Variants in YTHDF3 observed in about 807,000 individuals in gnomAD.
YTHDF3 encodes YTH domain-containing family protein 3.
YTHDF3 carries 9 observed loss-of-function variants against 52.5 expected under a neutral mutation model. That is an observed-to-expected ratio of 0.17 (90% confidence interval 0.10 to 0.30). The LOEUF is 0.30. Ranked by LOEUF, YTHDF3 falls within the 10% of genes least tolerant of loss-of-function variation. The probability of loss-of-function intolerance (pLI) is 1.00; values close to 1 mark genes in which losing one functional copy is unlikely to be tolerated. For synonymous variants in YTHDF3, 274 were observed against 243.3 expected (o/e 1.13, Z -1.18); for missense variants, 534 against 715.0 (o/e 0.75, Z 2.89).
At chr8:63,176,701 A>T (rs1471468822) in intron 3 of YTHDF3, among the ~76,000 whole-genome samples, 1 of 148,084 alleles carries the variant, frequency 6.8e-6, no homozygotes, top group African/African-American at 2.5e-5. Context: ...AATTTTTGAG[A>T]CAGTCTTGTT....
chr8:63,169,070 G>A (rs949122742), intron 1 of YTHDF3, 169 bp downstream of exon 1: 31 of 1,392,478 alleles, frequency 2.2e-5, no homozygotes, highest in Admixed American at 7.4e-5. Context: ...CCCTGGCCCC[G>A]TAGCTTGCGG....
rs1809124643 is a variant in YTHDF3, at chr8:63,194,656, T to C, written c.1734+6911T>C. ...TTTCCCCCAGAAAACTATAGTGTTT[T>C]TTTCCTATAGGAAAGAATAAGGGTA... On this transcript the variant is annotated intron_variant, in intron 4 of 4. Transcript: ENST00000539294. Among the ~76,000 whole-genome samples, 3 of 152,222 alleles carry C rather than the reference T, an allele frequency of 2.0e-5. No individual in the cohort carries two copies. In the South Asian group the frequency reaches 6.2e-4, roughly 32 times the overall value.
At chr8:63,190,230 CA>C in intron 4 of YTHDF3, among the ~76,000 whole-genome samples, 1 of 151,684 alleles carries the variant, frequency 6.6e-6, no homozygotes, top group East Asian at 1.9e-4. Context: ...TTACTTAGGA[CA>C]AAGGATACAT....
chr8:63,195,126 T>C (rs2150385866), intron 4 of YTHDF3, among the ~76,000 whole-genome samples: 1 of 152,332 alleles, frequency 6.6e-6, no homozygotes. Context: ...AAACTTGGAA[T>C]GTCAGGCCCT....
chr8:63,203,178 G>A (rs1809755802), intron 4 of YTHDF3, among the ~76,000 whole-genome samples: 1 of 151,814 alleles, frequency 6.6e-6, no homozygotes, highest in Non-Finnish European at 1.5e-5. Flanking sequence ...GGGAGGCAGA[G>A]GTTGCAGTGA....
In YTHDF3 at chr8:63,201,593, T is replaced by A. The variant is rs148459866; in HGVS notation, c.1735-8090T>A. 5.7e-3 allele frequency among the ~76,000 whole-genome samples: 871 copies of A among 152,288 alleles called. 2 individuals are homozygous for A. Among genetic ancestry groups the A allele is most frequent in the Non-Finnish European group, 9.5e-3 (646 of 68,024 alleles). ...ACCAAACTTTACATTGCACTCCAATTTCTGAGTGAAATTGACTTCACTGTT... is the reference window on the plus strand; with the variant it reads ...ACCAAACTTTACATTGCACTCCAATATCTGAGTGAAATTGACTTCACTGTT... On this transcript the variant is annotated intron_variant, in intron 4 of 4. Coordinates refer to ENST00000539294, the MANE Select transcript of YTHDF3 (RefSeq NM_152758.6).
chr8:63,175,266 C>T, intron 2 of YTHDF3, 65 bp from the exon 3 acceptor site: 1 of 1,202,552 alleles, frequency 8.3e-7, no homozygotes, highest in Non-Finnish European at 1.2e-6. Context: ...ATATTAAAAA[C>T]ATTAGGTTGT....
intron 4 of YTHDF3, among the ~76,000 whole-genome samples, chr8:63,208,555 C>A (rs949182012): frequency 6.6e-6 from 1 of 152,190 alleles, no homozygotes; most frequent in East Asian, 1.9e-4. Context: ...CCACGTCAGA[C>A]CTCTGGGGCC....
intron 3 of YTHDF3, among the ~76,000 whole-genome samples, chr8:63,184,800 A>AT (rs1376288415): frequency 6.6e-6 from 1 of 152,126 alleles, no homozygotes; most frequent in Non-Finnish European, 1.5e-5. Flanking sequence ...ATATTAGTGG[A>AT]TTTTTTTCAC....
chr8:63,197,974 C>T (rs1481021485), intron 4 of YTHDF3, among the ~76,000 whole-genome samples: 1 of 152,014 alleles, frequency 6.6e-6, no homozygotes, highest in Non-Finnish European at 1.5e-5. Flanking sequence ...AAACATAATC[C>T]AAGACTATTT....
Position 63,210,246 on chromosome 8 carries a change from T to A in YTHDF3, c.*540T>A, listed in dbSNP as rs1302043063. Reference sequence around the variant, plus strand: ...AAACTTTTAATATGGCAAAGCAACCTTAAGCTCTATTTTAGCCAAATGAAA... The same window carrying A: ...AAACTTTTAATATGGCAAAGCAACCATAAGCTCTATTTTAGCCAAATGAAA... On this transcript the variant is annotated 3_prime_UTR_variant, in exon 5 of 5. Transcript: ENST00000539294. 2 of 152,942 alleles carry A rather than the reference T, an allele frequency of 1.3e-5. No homozygotes were observed. The highest frequency in any genetic ancestry group is 3.9e-4 in the East Asian group (2 of 5,186). The allele number at this position is 152,942 out of a possible 1,614,324, so 9.5% of individuals were successfully genotyped here. A position where few individuals can be genotyped will look rare whatever the true frequency, so the allele number is the denominator to read the frequency against.
intron 1 of YTHDF3, 126 bp from the exon 2 acceptor site, chr8:63,169,261 A>G (rs1807111410): frequency 7.5e-7 from 1 of 1,341,198 alleles, no homozygotes. Flanking sequence ...TGTGGAGGAT[A>G]TGGTGGGTTT....
At chr8:63,175,309 T>C (rs1273438581) in intron 2 of YTHDF3, 22 bp from the exon 3 acceptor site, 2 of 1,566,236 alleles carry the variant, frequency 1.3e-6, no homozygotes, top group Non-Finnish European at 1.7e-6. Context: ...CTACAACACT[T>C]CTAATACAAA....
rs139683252 is a variant in YTHDF3 at position 63,179,005 on chromosome 8, A to AAAT, written c.135+3591_135+3592insTAA. Among the ~76,000 whole-genome samples the AAAT allele has an allele frequency of 8.0e-3, 1,218 of 152,276 alleles. 23 individuals are homozygous for AAAT. The highest frequency in any genetic ancestry group is 0.028 in the African/African-American group (1,173 of 41,556). ...TATCTGATTTTAAAATTATAAATAA[A>AAAT]AAATATTTTGATGGAAAAGTGTTTA... On this transcript the variant is annotated intron_variant, in intron 3 of 4. Transcript: ENST00000539294.
rs535129804 is a variant in YTHDF3, at chr8:63,181,543, G to GTA, written c.136-4602_136-4601dup. ...TCTTTCACGATCTCAATTTTTGTAT[G>GTA]TATGTTTTATACAGACGTGTACACA... On this transcript the variant is annotated intron_variant, in intron 3 of 4. Transcript: ENST00000539294. 1.0e-3 allele frequency among the ~76,000 whole-genome samples: 157 copies of GTA among 152,236 alleles called. 2 individuals are homozygous for GTA. Among genetic ancestry groups the GTA allele is most frequent in the African/African-American group, 3.5e-3 (145 of 41,534 alleles).
chr8:63,173,565 CA>C (rs1044991256), intron 2 of YTHDF3: 247 of 711,658 alleles, frequency 3.5e-4, no homozygotes, highest in Non-Finnish European at 4.2e-4. Flanking sequence ...TTAGCTGTTT[CA>C]AATACTGACT....
At chr8:63,198,843 C>G (rs1439918386) in intron 4 of YTHDF3, among the ~76,000 whole-genome samples, 2 of 152,042 alleles carry the variant, frequency 1.3e-5, no homozygotes, top group Non-Finnish European at 2.9e-5. Context: ...TTATAATTAA[C>G]AGAAACAAAT....
intron 4 of YTHDF3, 28 bp from the exon 5 acceptor site, chr8:63,209,655 T>TG: frequency 1.3e-6 from 2 of 1,541,734 alleles, no homozygotes; most frequent in Non-Finnish European, 1.7e-6. Flanking sequence ...GTAATTCTTT[T>TG]TGTGTGTGTG....
intron 4 of YTHDF3, among the ~76,000 whole-genome samples, chr8:63,204,361 G>GTTTTTT (rs1205321648): frequency 8.0e-6 from 1 of 124,852 alleles, no homozygotes; most frequent in African/African-American, 2.9e-5. Flanking sequence ...TGTGTTTGTT[G>GTTTTTT]TTTTTTTTTT....
Sources: gnomAD v4.1 joint callset for allele counts (sites outside exome capture counted in the v4.1 genomes callset) on GRCh38, gnomAD v4.1.1 for gene constraint, MANE v1.5 for transcripts, NCBI Gene and HGNC (gene_info 2026-07-23, HGNC 2026-07-21) for gene names.